STEAP1B: variants seen among roughly 807,000 people sequenced by gnomAD.
The protein encoded by STEAP1B is STEAP family member 1B, also known as STEAP family protein MGC87042.
STEAP1B carries 13 observed loss-of-function variants against 27.9 expected under a neutral mutation model. The ratio of observed to expected loss-of-function variants is 0.47; its 90% CI spans 0.30 to 0.74. The LOEUF (loss-of-function observed/expected upper bound fraction) is 0.74. Ranked by LOEUF, STEAP1B falls within the 30% of genes least tolerant of loss-of-function variation. STEAP1B has a pLI of 0.06. For synonymous variants in STEAP1B, 86 were observed against 107.1 expected, an observed-to-expected ratio of 0.80 and a Z score of 1.22; for missense variants, 250 against 298.7, an observed-to-expected ratio of 0.84 and a Z score of 1.20.
intron 1 of STEAP1B, among the ~76,000 whole-genome samples, chr7:22,496,226 A>C (rs1001535100): frequency 2.5e-4 from 38 of 152,352 alleles, no homozygotes; most frequent in African/African-American, 8.9e-4. Flanking sequence ...TTAAGGAGTA[A>C]GTATATAAAC....
chr7:22,500,124 C>A lies in STEAP1B; in HGVS notation c.-42G>T, dbSNP rs1786511387. On this transcript the variant is annotated 5_prime_UTR_variant, in exon 1 of 5. Coordinates refer to ENST00000678116, the MANE Select transcript of STEAP1B (RefSeq NM_001382447.1). ...ATTCAAGGGACTCACCCACTCCTCG[C>A]CGTAGCTTGACCGTGAGTCTCAGCT... The A allele has an allele frequency of 6.5e-6, 1 of 153,576 alleles. No individual in the cohort carries two copies. The highest frequency in any genetic ancestry group is 1.5e-5 in the Non-Finnish European group (1 of 68,272). 9.5% of individuals were successfully genotyped at this position (153,576 alleles called of 1,614,324 possible). A position where few individuals can be genotyped will look rare whatever the true frequency, so the allele number is the denominator to read the frequency against.
In STEAP1B at chr7:22,419,817, A is replaced by T; in HGVS notation, c.782T>A (p.Phe261Tyr). 1.9e-6 allele frequency: 3 copies of T among 1,550,448 alleles called. No individual in the cohort carries two copies. Among genetic ancestry groups the T allele is most frequent in the Non-Finnish European group, 2.6e-6 (3 of 1,146,226 alleles). Reference sequence around the variant, plus strand: ...TGGCAGGATCTGTCACAAGGTCAGGAAGTTGATCCTACCATGTACCTGGAA... The same window carrying T: ...TGGCAGGATCTGTCACAAGGTCAGGTAGTTGATCCTACCATGTACCTGGAA... Reference protein sequence around the residue: ...HYIQVHGRINFLTL With the variant: ...HYIQVHGRINYLTL Residue 261 changes from phenylalanine (F) to tyrosine (Y), a missense_variant, in exon 5 of 5, where the codon TTC becomes TAC. Physicochemically the swap from Phe to Tyr is conservative, Grantham distance 22. Coordinates refer to ENST00000678116, the MANE Select transcript of STEAP1B (RefSeq NM_001382447.1).
chr7:22,463,385 G>C (rs1212085456), intron 4 of STEAP1B, among the ~76,000 whole-genome samples: 1 of 152,076 alleles, frequency 6.6e-6, no homozygotes, highest in Non-Finnish European at 1.5e-5. Context: ...ACTGCCCAAG[G>C]TAATTTACAG....
chr7:22,452,440 A>G (rs1785506875), intron 4 of STEAP1B, among the ~76,000 whole-genome samples: 1 of 151,572 alleles, frequency 6.6e-6, no homozygotes, highest in African/African-American at 2.4e-5. Flanking sequence ...CCCGCGCCAT[A>G]CACCAAACCC....
intron 4 of STEAP1B, among the ~76,000 whole-genome samples, chr7:22,490,129 T>C (rs896561414): frequency 3.9e-5 from 6 of 152,118 alleles, no homozygotes; most frequent in Admixed American, 3.3e-4. Context: ...TTTCGATTTA[T>C]CTTTTTCTTC....
intron 4 of STEAP1B, among the ~76,000 whole-genome samples, chr7:22,487,799 C>T (rs1416986762): frequency 6.0e-5 from 8 of 132,310 alleles, no homozygotes; most frequent in African/African-American, 2.3e-4. Flanking sequence ...GAGCAAAACT[C>T]CACCCAAAAA....
At chr7:22,498,321 G>A in intron 1 of STEAP1B, among the ~76,000 whole-genome samples, 1 of 152,164 alleles carries the variant, frequency 6.6e-6, no homozygotes. Context: ...CGCACTGGGG[G>A]TTACATTTCA....
At chr7:22,473,308 C>T (rs1378092225) in intron 4 of STEAP1B, among the ~76,000 whole-genome samples, 1 of 152,180 alleles carries the variant, frequency 6.6e-6, no homozygotes, top group Non-Finnish European at 1.5e-5. Flanking sequence ...GTCTATCTCT[C>T]AGAAAACCAG....
intron 4 of STEAP1B, among the ~76,000 whole-genome samples, chr7:22,480,003 A>G (rs528721323): frequency 1.3e-5 from 2 of 152,282 alleles, no homozygotes; most frequent in East Asian, 1.9e-4. Flanking sequence ...AGTGCTCAGG[A>G]GCCACCCTGG....
intron 4 of STEAP1B, among the ~76,000 whole-genome samples, chr7:22,474,820 CAGTGGTG>C (rs1226927649): frequency 6.6e-6 from 1 of 152,136 alleles, no homozygotes; most frequent in African/African-American, 2.4e-5. Context: ...TCACCCATGC[CAGTGGTG>C]AGTGGTGAGT....
intron 4 of STEAP1B, 170 bp downstream of exon 4, chr7:22,492,395 T>C (rs1235585895): frequency 1.3e-6 from 1 of 793,372 alleles, no homozygotes; most frequent in African/African-American, 1.9e-5. Flanking sequence ...CTTGTCCTAA[T>C]TAGAAGCAAT....
At chr7:22,438,202 G>A (rs1376682361) in intron 4 of STEAP1B, among the ~76,000 whole-genome samples, 1 of 151,916 alleles carries the variant, frequency 6.6e-6, no homozygotes, top group African/African-American at 2.4e-5. Context: ...GTTGTTGTTG[G>A]GTTCCCTTCC....
intron 4 of STEAP1B, among the ~76,000 whole-genome samples, chr7:22,450,342 G>C (rs986864350): frequency 2.0e-5 from 3 of 152,154 alleles, no homozygotes; most frequent in Admixed American, 2.0e-4. Flanking sequence ...ATTTTGATTT[G>C]AGTTTTGTAT....
At chr7:22,445,234 T>C (rs140456909) in intron 4 of STEAP1B, among the ~76,000 whole-genome samples, 1 of 152,292 alleles carries the variant, frequency 6.6e-6, no homozygotes, top group Non-Finnish European at 1.5e-5. Flanking sequence ...TTGTGGTGGG[T>C]TCTCTTGGGC....
intron 4 of STEAP1B, chr7:22,438,832 T>A: frequency 2.8e-6 from 4 of 1,427,730 alleles, no homozygotes; most frequent in South Asian, 1.6e-5. Context: ...GATAAGTGTA[T>A]AATGAGAAAA....
chr7:22,436,890 A>G (rs1332256737), intron 4 of STEAP1B, among the ~76,000 whole-genome samples: 1 of 152,244 alleles, frequency 6.6e-6, no homozygotes, highest in African/African-American at 2.4e-5. Context: ...AACGATTTAT[A>G]TTCATTTGGG....
chr7:22,490,651 G>A (rs1019877148), intron 4 of STEAP1B, among the ~76,000 whole-genome samples: 8 of 152,184 alleles, frequency 5.3e-5, no homozygotes, highest in Non-Finnish European at 8.8e-5. Flanking sequence ...ACTTGGAAGC[G>A]TCTTACATAT....
At chr7:22,449,937 G>A (rs1785461135) in intron 4 of STEAP1B, among the ~76,000 whole-genome samples, 1 of 152,134 alleles carries the variant, frequency 6.6e-6, no homozygotes, top group Non-Finnish European at 1.5e-5. Flanking sequence ...TGCCATTTGT[G>A]CGTCTTTTGA....
chr7:22,476,610 C>A (rs778134552), intron 4 of STEAP1B, among the ~76,000 whole-genome samples: 1 of 152,188 alleles, frequency 6.6e-6, no homozygotes, highest in East Asian at 1.9e-4. Context: ...AGGAATGTAT[C>A]TCCAGGTTGG....
Sources: allele counts gnomAD v4.1 joint callset (sites outside exome capture counted in the v4.1 genomes callset), GRCh38; gene constraint gnomAD v4.1.1; transcripts MANE v1.5; gene names NCBI Gene and HGNC (gene_info 2026-07-23, HGNC 2026-07-21).